NXPH1: variants seen among roughly 807,000 people sequenced by gnomAD.
NXPH1 encodes the protein neurexophilin-1.
Under a neutral mutation model 23.7 loss-of-function variants are expected in NXPH1, and 5 were observed. The observed-to-expected ratio is 0.21, with a 90% CI of 0.11 to 0.44. The LOEUF (loss-of-function observed/expected upper bound fraction) is 0.44. NXPH1 is among the 20% of genes least tolerant of loss of function. The probability of loss-of-function intolerance (pLI) is 0.99; values close to 1 mark genes in which losing one functional copy is unlikely to be tolerated. For missense variants in NXPH1, 324 were observed against 321.6 expected (o/e 1.01, Z -0.06); for synonymous variants, 144 against 122.2 (o/e 1.18, Z -1.18).
rs1004415275 is a variant in NXPH1 at position 8,564,117 on chromosome 7, T to G, written c.54+128350T>G. On this transcript the variant is annotated intron_variant, in intron 2 of 2. Coordinates refer to ENST00000405863, the MANE Select transcript of NXPH1 (RefSeq NM_152745.3). ...CAAAAATTATAGATTTAGCCCATGC[T>G]TTTTGACTATCTGCTCACTCCTTGG... Among the ~76,000 whole-genome samples the G allele has an allele frequency of 2.6e-5, 4 of 151,926 alleles. No individual in the cohort carries two copies. In the South Asian group the frequency reaches 8.3e-4, roughly 31 times the overall value.
chr7:8,644,665 G>C (rs779101512), intron 2 of NXPH1, among the ~76,000 whole-genome samples: 23 of 151,728 alleles, frequency 1.5e-4, no homozygotes, highest in Non-Finnish European at 3.1e-4. Context: ...TAACAGACTA[G>C]GACTTTTTTT....
At chr7:8,659,675 T>TAC (rs1820640624) in intron 2 of NXPH1, among the ~76,000 whole-genome samples, 1 of 152,212 alleles carries the variant, frequency 6.6e-6, no homozygotes, top group Non-Finnish European at 1.5e-5. Flanking sequence ...GGCACATGTG[T>TAC]ACATATGTAA....
At chr7:8,617,578 C>T (rs895785097) in intron 2 of NXPH1, among the ~76,000 whole-genome samples, 5 of 152,024 alleles carry the variant, frequency 3.3e-5, no homozygotes, top group African/African-American at 1.2e-4. Context: ...CTTGCATGTT[C>T]TCATTTATTT....
intron 2 of NXPH1, among the ~76,000 whole-genome samples, chr7:8,635,042 T>C (rs1820197148): frequency 6.6e-6 from 1 of 152,196 alleles, no homozygotes; most frequent in African/African-American, 2.4e-5. Context: ...TTTTGAACAA[T>C]AGCTATCTCT....
At chr7:8,715,325 C>G (rs1329589456) in intron 2 of NXPH1, among the ~76,000 whole-genome samples, 1 of 152,198 alleles carries the variant, frequency 6.6e-6, no homozygotes, top group Non-Finnish European at 1.5e-5. Flanking sequence ...AGGGTGGCAT[C>G]AAAATTTGAG....
Position 8,521,551 on chromosome 7 carries a change from T to C in NXPH1, c.54+85784T>C, listed in dbSNP as rs963093524. ...AAGGCCAGGTGTTGAGATGGCAGCA[T>C]TGCCAGATGGAGGGAGCTGGGATCT... On this transcript the variant is annotated intron_variant, in intron 2 of 2. Transcript: ENST00000405863. 5.3e-5 allele frequency among the ~76,000 whole-genome samples: 8 copies of C among 152,122 alleles called. No homozygotes were observed. In the East Asian group the frequency reaches 7.7e-4, roughly 15 times the overall value.
rs562352299 is a variant in NXPH1 at position 8,637,723 on chromosome 7, C to A, written c.55-113285C>A. ...TTTATTAATTTGTGCAATGAACTCA[C>A]AATACAATACATGCTCTTCAGCTTC... On this transcript the variant is annotated intron_variant, in intron 2 of 2. Transcript: ENST00000405863. Among the ~76,000 whole-genome samples the A allele has an allele frequency of 6.6e-5, 10 of 152,298 alleles. No homozygotes were observed. The South Asian group carries it at 2.1e-3, about 32-fold the overall frequency.
chr7:8,532,477 G>GC (rs1397335346), intron 2 of NXPH1, among the ~76,000 whole-genome samples: 2 of 137,948 alleles, frequency 1.4e-5, no homozygotes, highest in African/African-American at 5.3e-5. Context: ...TTGGGGGGGG[G>GC]GGAGGGGGCT....
At chr7:8,620,015 G>T (rs906617163) in intron 2 of NXPH1, among the ~76,000 whole-genome samples, 2 of 152,164 alleles carry the variant, frequency 1.3e-5, no homozygotes, top group East Asian at 3.9e-4. Context: ...TTCCATCCAC[G>T]TACTGCTGTG....
At chr7:8,506,440 G>T (rs190601382) in intron 2 of NXPH1, among the ~76,000 whole-genome samples, 1 of 152,194 alleles carries the variant, frequency 6.6e-6, no homozygotes, top group Admixed American at 6.5e-5. Flanking sequence ...AGTGAGAAAA[G>T]ATGTTTGGAG....
intron 2 of NXPH1, among the ~76,000 whole-genome samples, chr7:8,549,684 C>G (rs576624885): frequency 6.6e-6 from 1 of 151,566 alleles, no homozygotes; most frequent in African/African-American, 2.4e-5. Context: ...ATAATAATTG[C>G]TAAGATTTTA....
chr7:8,730,153 G>A (rs1780124991), intron 2 of NXPH1, among the ~76,000 whole-genome samples: 1 of 149,054 alleles, frequency 6.7e-6, no homozygotes, highest in Non-Finnish European at 1.5e-5. Context: ...TCAGAGACTA[G>A]GATTGCAACC....
intron 2 of NXPH1, among the ~76,000 whole-genome samples, chr7:8,674,717 T>C (rs1045801492): frequency 6.6e-6 from 1 of 152,184 alleles, no homozygotes; most frequent in Admixed American, 6.5e-5. Context: ...GCTGCATTAA[T>C]GAAGCAGGTT....
chr7:8,464,621 A>G (rs532972332), intron 2 of NXPH1, among the ~76,000 whole-genome samples: 1 of 152,314 alleles, frequency 6.6e-6, no homozygotes, highest in South Asian at 2.1e-4. Context: ...AATTCTGTTT[A>G]GTTCTGTTAA....
chr7:8,447,991 C>A (rs2066916), intron 2 of NXPH1, among the ~76,000 whole-genome samples: 2 of 152,000 alleles, frequency 1.3e-5, no homozygotes, highest in African/African-American at 2.4e-5. Flanking sequence ...CTGGCCATAA[C>A]AGAGAGCAAA....
intron 2 of NXPH1, among the ~76,000 whole-genome samples, chr7:8,630,413 T>C (rs1820102809): frequency 6.6e-6 from 1 of 152,158 alleles, no homozygotes; most frequent in South Asian, 2.1e-4. Flanking sequence ...TGCTTCCTCA[T>C]GGGAGCTCCC....
chr7:8,494,489 G>A (rs1261389780), intron 2 of NXPH1, among the ~76,000 whole-genome samples: 1 of 151,952 alleles, frequency 6.6e-6, no homozygotes, highest in Non-Finnish European at 1.5e-5. Context: ...CGCTGATCAT[G>A]CCTTCTTCAT....
At chr7:8,669,383 C>A (rs926623580) in intron 2 of NXPH1, among the ~76,000 whole-genome samples, 17 of 151,950 alleles carry the variant, frequency 1.1e-4, no homozygotes, top group Admixed American at 1.3e-4. Context: ...AAGATGCTGG[C>A]CTGATTACTA....
At chr7:8,744,305 C>T (rs1780431686) in intron 2 of NXPH1, among the ~76,000 whole-genome samples, 1 of 151,928 alleles carries the variant, frequency 6.6e-6, no homozygotes. Context: ...GGGCATTGGC[C>T]ACTTTTGACA....
Sources: allele counts gnomAD v4.1 joint callset (sites outside exome capture counted in the v4.1 genomes callset), GRCh38; gene constraint gnomAD v4.1.1; transcripts MANE v1.5; gene names NCBI Gene and HGNC (gene_info 2026-07-23, HGNC 2026-07-21).